DROSHA: variants seen among roughly 807,000 people sequenced by gnomAD.
DROSHA encodes the protein drosha ribonuclease III.
Under a neutral mutation model 181.9 loss-of-function variants are expected in DROSHA, and 56 were observed. That is an observed-to-expected ratio of 0.31 (90% CI 0.25 to 0.38). The LOEUF (loss-of-function observed/expected upper bound fraction) is 0.38. DROSHA is among the 10% of genes least tolerant of loss of function. The pLI is 1.00. For missense variants in DROSHA, 1,218 were observed against 1,743.5 expected (o/e 0.70, Z 5.37); for synonymous variants, 524 against 591.2 (o/e 0.89, Z 1.65).
intron 29 of DROSHA, chr5:31,421,634 G>C (rs3897744): frequency 0.023 from 8,815 of 391,480 alleles, 741 homozygotes; most frequent in East Asian, 0.23. Context: ...GGTAAACACT[G>C]CCTGGTCAGA....
Position 31,411,007 on chromosome 5 carries a change from GT to G in DROSHA, c.3526-121del. On this transcript the variant is annotated intron_variant, in intron 30 of 35. Coordinates refer to ENST00000344624, the MANE Select transcript of DROSHA (RefSeq NM_001382508.1). This position sits in a 1 kb window ranked among gnomAD's most constrained non-coding sequence, Gnocchi z 4.2. ...TGACAGGGACACCAAAATAAGTGAGGTCTATGGCCTCAACCATCACCCAGAT... is the reference window on the plus strand; with the variant it reads ...TGACAGGGACACCAAAATAAGTGAGGCTATGGCCTCAACCATCACCCAGAT... 2 of 1,408,936 alleles carry G rather than the reference GT, an allele frequency of 1.4e-6. No individual in the cohort carries two copies. The highest frequency in any genetic ancestry group is 1.9e-6 in the Non-Finnish European group (2 of 1,036,462). The allele number at this position is 1,408,936 out of a possible 1,614,324, so 87.3% of individuals were successfully genotyped here.
intron 19 of DROSHA, 147 bp downstream of exon 19, chr5:31,466,035 T>C (rs982838365): frequency 9.2e-6 from 7 of 763,196 alleles, no homozygotes; most frequent in African/African-American, 7.1e-5. Flanking sequence ...TCAATTCGTA[T>C]AATAATGGGG....
At chr5:31,475,818 C>T (rs1193272585) in intron 16 of DROSHA, among the ~76,000 whole-genome samples, 1 of 152,094 alleles carries the variant, frequency 6.6e-6, no homozygotes, top group East Asian at 1.9e-4. Context: ...AGTAAATATA[C>T]ACAGGTCCAG....
chr5:31,443,569 G>A (rs16901173), intron 23 of DROSHA, among the ~76,000 whole-genome samples: 9,467 of 152,180 alleles, frequency 0.062, 381 homozygotes, highest in East Asian at 0.17. Flanking sequence ...TCAGATTTAG[G>A]TGGTTAAACA....
intron 3 of DROSHA, among the ~76,000 whole-genome samples, chr5:31,530,348 T>C (rs73066333): frequency 1.4e-3 from 220 of 152,230 alleles, no homozygotes; most frequent in African/African-American, 5.2e-3. Context: ...CAGGTGCTCC[T>C]GCCACCATAG....
intron 20 of DROSHA, among the ~76,000 whole-genome samples, chr5:31,453,656 C>A (rs1339205016): frequency 6.6e-6 from 1 of 152,150 alleles, no homozygotes; most frequent in Admixed American, 6.5e-5. Context: ...CTTCCTTTAA[C>A]CTTTTCTCAT....
At chr5:31,432,135 T>C (rs1271428081) in intron 25 of DROSHA, among the ~76,000 whole-genome samples, 1 of 130,136 alleles carries the variant, frequency 7.7e-6, no homozygotes, top group African/African-American at 3.3e-5. Flanking sequence ...ACAAAACAGA[T>C]TTTTTTTTTT....
rs1169463101 is a variant in DROSHA at position 31,409,746 on chromosome 5, T to C, written c.3668-414A>G. On this transcript the variant is annotated intron_variant, in intron 31 of 35. Coordinates refer to ENST00000344624, the MANE Select transcript of DROSHA (RefSeq NM_001382508.1). The surrounding 1 kb of genome is among the most constrained non-coding windows in gnomAD (Gnocchi z 4.0). ...TCAACACCAATCCTGAGATCCCCTG[T>C]TTTTAAGGATTCTATGTTAAATTTA... 6.6e-6 allele frequency among the ~76,000 whole-genome samples: 1 copy of C among 152,178 alleles called. No homozygotes were observed. Among genetic ancestry groups the C allele is most frequent in the East Asian group, 1.9e-4 (1 of 5,196 alleles).
intron 27 of DROSHA, among the ~76,000 whole-genome samples, chr5:31,424,685 G>C (rs369013925): frequency 6.6e-6 from 1 of 151,996 alleles, no homozygotes; most frequent in Non-Finnish European, 1.5e-5. Flanking sequence ...TAAGCTACGG[G>C]GGAAAAGAGC....
intron 20 of DROSHA, among the ~76,000 whole-genome samples, chr5:31,455,350 A>G (rs1478669244): frequency 2.6e-5 from 4 of 152,116 alleles, no homozygotes; most frequent in Non-Finnish European, 4.4e-5. Flanking sequence ...ATAGATCCAG[A>G]AGAGAAGCAA....
chr5:31,500,228 G>A (rs1753440236), intron 11 of DROSHA, among the ~76,000 whole-genome samples: 5 of 152,346 alleles, frequency 3.3e-5, no homozygotes, highest in Middle Eastern at 6.8e-3. Flanking sequence ...CCCCAACTGG[G>A]GAGGTGCTGG....
intron 6 of DROSHA, among the ~76,000 whole-genome samples, chr5:31,516,769 A>G (rs1228027593): frequency 6.6e-6 from 1 of 152,220 alleles, no homozygotes; most frequent in East Asian, 1.9e-4. Flanking sequence ...ACCTATTTCA[A>G]TAATTATATA....
intron 35 of DROSHA, 97 bp from the exon 36 acceptor site, chr5:31,401,659 G>T: frequency 2.6e-6 from 2 of 762,650 alleles, no homozygotes; most frequent in Non-Finnish European, 3.4e-6. Context: ...ACAAATATAC[G>T]TGCATATGAA....
intron 27 of DROSHA, among the ~76,000 whole-genome samples, chr5:31,428,397 A>G (rs1305341340): frequency 6.6e-6 from 1 of 152,202 alleles, no homozygotes; most frequent in African/African-American, 2.4e-5. Flanking sequence ...GCCAGAACAA[A>G]GAAAATTTAA....
At chr5:31,492,373 A>G (rs1410219804) in intron 13 of DROSHA, among the ~76,000 whole-genome samples, 1 of 152,232 alleles carries the variant, frequency 6.6e-6, no homozygotes, top group Non-Finnish European at 1.5e-5. Context: ...TGTACTCTCC[A>G]ATGGAACAGA....
At chr5:31,527,819 A>G (rs887152843) in intron 4 of DROSHA, among the ~76,000 whole-genome samples, 2 of 152,216 alleles carry the variant, frequency 1.3e-5, no homozygotes, top group African/African-American at 4.8e-5. Flanking sequence ...GCATTTAGTC[A>G]TGGCAGCCCA....
chr5:31,528,750 A>G (rs1243691166), intron 4 of DROSHA, among the ~76,000 whole-genome samples: 2 of 152,188 alleles, frequency 1.3e-5, no homozygotes, highest in South Asian at 2.1e-4. Flanking sequence ...AGGTCCTACA[A>G]TAATTACAAT....
intron 14 of DROSHA, 133 bp downstream of exon 14, chr5:31,486,358 C>G: frequency 1.2e-6 from 1 of 837,616 alleles, no homozygotes; most frequent in Non-Finnish European, 1.8e-6. Context: ...CTGACTCTTT[C>G]AACAGTGAAT....
chr5:31,517,911 T>C (rs1739448076), intron 6 of DROSHA, among the ~76,000 whole-genome samples: 1 of 152,146 alleles, frequency 6.6e-6, no homozygotes, highest in Non-Finnish European at 1.5e-5. Context: ...TTTTTACATT[T>C]TTAATAACTA....
Sources: gnomAD v4.1 joint callset for allele counts (sites outside exome capture counted in the v4.1 genomes callset) on GRCh38, gnomAD v4.1.1 for gene constraint, Gnocchi (gnomAD v3.1) non-coding constraint, MANE v1.5 for transcripts, NCBI Gene and HGNC (gene_info 2026-07-23, HGNC 2026-07-21) for gene names.